Variants in PHKA2 observed in about 807,000 individuals in gnomAD.
The protein encoded by PHKA2 is phosphorylase kinase regulatory subunit alpha 2.
Under a neutral mutation model 102.0 loss-of-function variants are expected in PHKA2, and 31 were observed. That is an observed-to-expected ratio of 0.30 (90% CI 0.23 to 0.41). The LOEUF is 0.41. Among genes scored for constraint, PHKA2 ranks in the 10% least tolerant of loss-of-function variants. The probability of loss-of-function intolerance (pLI) is 1.00; values close to 1 mark genes in which losing one functional copy is unlikely to be tolerated. For missense variants in PHKA2, 858 were observed against 1,023.1 expected (o/e 0.84, Z 2.20); for synonymous variants, 455 against 416.2 (o/e 1.09, Z -1.13).
At chrX:18,957,776 C>T (rs150640612) in intron 1 of PHKA2, among the ~76,000 whole-genome samples, 8,469 of 102,691 alleles carry the variant, frequency 0.082, 992 homozygotes, top group African/African-American at 0.28. Flanking sequence ...ACCCCTTAAA[C>T]AGGTGAAGTA....
At chrX:18,953,829 A>C (rs2048734923) in intron 2 of PHKA2, among the ~76,000 whole-genome samples, 1 of 110,624 alleles carries the variant, frequency 9.0e-6, no homozygotes, top group Admixed American at 9.7e-5. Flanking sequence ...TCTACTAAAA[A>C]TACAAAATTA....
chrX:18,894,288 C>A lies in PHKA2; in HGVS notation c.3453G>T (p.Ser1151=). The stretch of plus-strand genomic sequence containing the variant: ...CCCCGATGCTGGTCATCTCCGTGTC[C>A]GAGAGCAGCGTCAGCACCATGATGG... ...VEAIMVLTLL[S]DTEMTSIGGI... Residue 1151 remains serine (S), a synonymous_variant, in exon 32 of 33, where the codon TCG becomes TCT. Coordinates refer to ENST00000379942, the MANE Select transcript of PHKA2 (RefSeq NM_000292.3). The A allele has an allele frequency of 8.3e-7, 1 of 1,211,263 alleles. No homozygotes were observed. The highest frequency in any genetic ancestry group is 1.1e-6 in the Non-Finnish European group (1 of 895,216).
intron 21 of PHKA2, 95 bp from the exon 22 acceptor site, chrX:18,908,151 T>TGGGAGAG: frequency 1.2e-6 from 1 of 853,948 alleles, no homozygotes; most frequent in Non-Finnish European, 1.7e-6. Flanking sequence ...ACTTGGGCTC[T>TGGGAGAG]CCCAGTGCCC....
intron 22 of PHKA2, among the ~76,000 whole-genome samples, chrX:18,907,552 G>A (rs778626550): frequency 8.9e-6 from 1 of 112,065 alleles, no homozygotes; most frequent in South Asian, 3.7e-4. Flanking sequence ...AAGCAGCTCT[G>A]GATTTTGCCT....
At chrX:18,971,000 G>A (rs1177819517) in intron 1 of PHKA2, among the ~76,000 whole-genome samples, 1 of 112,511 alleles carries the variant, frequency 8.9e-6, no homozygotes, top group Non-Finnish European at 1.9e-5. Context: ...CTACATCCAG[G>A]GTGACCTTGG....
intron 1 of PHKA2, among the ~76,000 whole-genome samples, chrX:18,961,659 CAAAAAAAAA>C (rs1290808888): frequency 8.0e-5 from 2 of 24,925 alleles, no homozygotes; most frequent in African/African-American, 2.7e-4. Context: ...GACTCCATCT[CAAAAAAAAA>C]AAAAAAAAAA....
chrX:18,924,322 T>C, intron 16 of PHKA2, 59 bp downstream of exon 16: 1 of 1,172,572 alleles, frequency 8.5e-7, no homozygotes, highest in African/African-American at 1.8e-5. Flanking sequence ...TTTAAACATT[T>C]GTAAGAGCCC....
In PHKA2 at chrX:18,907,926, T is replaced by C; in HGVS notation, c.2491A>G (p.Arg831Gly). The C allele has an allele frequency of 8.3e-7, 1 of 1,211,316 alleles. No individual in the cohort carries two copies. The highest frequency in any genetic ancestry group is 1.1e-6 in the Non-Finnish European group (1 of 895,277). The change falls in exon 22 of 33, where the codon AGG becomes GGG. Residue 831 changes from arginine to glycine, a missense_variant. By Grantham distance (125) the Arg-to-Gly change is moderately radical. This residue lies in a region of PHKA2 where 671 missense variants were observed against 745.2 expected (regional missense o/e 0.90). Transcript: ENST00000379942. ...TCAGCCAGGACCTCCACTTTCTTCCTGAGAAGGCCTGAGATGTAGCGAATC... is the reference window on the plus strand; with the variant it reads ...TCAGCCAGGACCTCCACTTTCTTCCCGAGAAGGCCTGAGATGTAGCGAATC... Reference protein sequence around the residue: ...GLIRYISGLLRKKVEVLAEAC... With the variant: ...GLIRYISGLLGKKVEVLAEAC...
At chrX:18,961,558 T>C (rs1179019163) in intron 1 of PHKA2, among the ~76,000 whole-genome samples, 1 of 103,152 alleles carries the variant, frequency 9.7e-6, no homozygotes, top group Admixed American at 1.1e-4. Context: ...CTCAGGAGGC[T>C]GAGGCAGGAT....
At chrX:18,948,545 C>T (rs2048624304) in intron 5 of PHKA2, among the ~76,000 whole-genome samples, 199 bp downstream of exon 5, 1 of 112,018 alleles carries the variant, frequency 8.9e-6, no homozygotes, top group Admixed American at 9.5e-5. Flanking sequence ...GCACAGAGTA[C>T]ATTCCAAAAA....
rs368111963 is a variant in PHKA2, at chrX:18,926,517, G to A, written c.1395C>T (p.Ile465=). ...GGACTTGAATTGGATGAATGTCCGCGATACTCTGGACGTTCACCCCGTGTT... is the reference window on the plus strand; with the variant it reads ...GGACTTGAATTGGATGAATGTCCGCAATACTCTGGACGTTCACCCCGTGTT... ...LRKHGVNVQS[I]ADIHPIQVQP... The change falls in exon 14 of 33, where the codon ATC becomes ATT. Residue 465 remains isoleucine (I), a synonymous_variant. Coordinates refer to ENST00000379942, the MANE Select transcript of PHKA2 (RefSeq NM_000292.3). The A allele has an allele frequency of 3.4e-6, 4 of 1,193,372 alleles. No individual in the cohort carries two copies. In the African/African-American group the frequency reaches 5.3e-5, roughly 16 times the overall value.
intron 9 of PHKA2, among the ~76,000 whole-genome samples, chrX:18,939,417 C>G (rs763665571): frequency 2.7e-5 from 3 of 111,698 alleles, no homozygotes; most frequent in Admixed American, 9.5e-5. Flanking sequence ...CTCCTGGGCT[C>G]AAGCAATCCT....
intron 1 of PHKA2, among the ~76,000 whole-genome samples, chrX:18,966,637 T>A (rs186955648): frequency 7.4e-4 from 83 of 112,073 alleles, no homozygotes; most frequent in Middle Eastern, 4.6e-3. Flanking sequence ...CAAAAAGAGC[T>A]GAAGTAGGAG....
intron 1 of PHKA2, among the ~76,000 whole-genome samples, chrX:18,964,144 C>G (rs894108416): frequency 9.0e-6 from 1 of 111,690 alleles, no homozygotes; most frequent in African/African-American, 3.3e-5. Flanking sequence ...GATCACCTGA[C>G]ACTCCCTCCT....
intron 1 of PHKA2, among the ~76,000 whole-genome samples, chrX:18,965,640 G>C (rs1433891324): frequency 9.1e-6 from 1 of 110,385 alleles, no homozygotes; most frequent in African/African-American, 3.3e-5. Context: ...CGAGACTCCT[G>C]AAATTTTTGT....
chrX:18,969,928 G>A (rs779783383), intron 1 of PHKA2, among the ~76,000 whole-genome samples: 3 of 112,032 alleles, frequency 2.7e-5, no homozygotes, highest in Non-Finnish European at 5.6e-5. Context: ...TTTTTTACTC[G>A]TCTTTAAATT....
Position 18,929,319 on chromosome X carries a change from G to A in PHKA2, c.1246-13C>T. Reference sequence around the variant, plus strand: ...CGGCAAGGAATCCCTATGAAAAGAGGAGCATTAACACTATGAAATATTGAT... The same window carrying A: ...CGGCAAGGAATCCCTATGAAAAGAGAAGCATTAACACTATGAAATATTGAT... On this transcript the variant is annotated splice_polypyrimidine_tract_variant and intron_variant, in intron 12 of 32. Transcript: ENST00000379942. 2.8e-6 allele frequency: 3 copies of A among 1,069,880 alleles called. No homozygotes were observed. Among genetic ancestry groups the A allele is most frequent in the Non-Finnish European group, 3.8e-6 (3 of 780,441 alleles). The allele number at this position is 1,069,880 out of a possible 1,213,427, so 88.2% of individuals were successfully genotyped here.
intron 7 of PHKA2, among the ~76,000 whole-genome samples, chrX:18,942,120 G>C (rs1370877765): frequency 8.9e-6 from 1 of 112,144 alleles, no homozygotes; most frequent in African/African-American, 3.2e-5. Flanking sequence ...GGGTGATCCA[G>C]AAACCACTTA....
In PHKA2 at chrX:18,906,524, G is replaced by A. The variant is rs760463234; in HGVS notation, c.2777C>T (p.Thr926Met). ...GCAGTTCAGGCTCCGTGCCAGCTCC[G>A]TGGCCATCACCTGAATGATCAGTCC... ...RIGLIIQVMA[T>M]ELARSLNCSG... Residue 926 changes from threonine to methionine, a missense_variant, in exon 25 of 33, where the codon ACG (threonine) becomes ATG (methionine). By Grantham distance (81) the Thr-to-Met change is moderately conservative. Around this residue, in one of 2 missense-constraint regions of PHKA2, gnomAD observed 671 missense variants for 745.2 expected, o/e 0.90. Transcript: ENST00000379942. 1.1e-5 allele frequency: 13 copies of A among 1,211,781 alleles called. No homozygotes were observed. The highest frequency in any genetic ancestry group is 5.3e-5 in the South Asian group (3 of 57,045).
Sources: allele counts gnomAD v4.1 joint callset (sites outside exome capture counted in the v4.1 genomes callset), GRCh38; gene constraint gnomAD v4.1.1; regional missense constraint gnomAD v4.1.1; transcripts MANE v1.5; gene names NCBI Gene and HGNC (gene_info 2026-07-23, HGNC 2026-07-21).